Variants in APOO observed in about 807,000 individuals in gnomAD.
The protein encoded by APOO is MICOS complex subunit MIC26.
APOO carries 11 observed loss-of-function variants against 23.1 expected under a neutral mutation model. That is an observed-to-expected ratio of 0.48 (90% CI 0.30 to 0.79). The LOEUF is 0.79. Among genes scored for constraint, APOO ranks in the 30% least tolerant of loss-of-function variants. APOO has a pLI of 0.07. For synonymous variants in APOO, 59 were observed against 54.8 expected (o/e 1.08, Z -0.34); for missense variants, 160 against 142.7 (o/e 1.12, Z -0.62).
In APOO at chrX:23,907,765, G is replaced by A; in HGVS notation, c.-63C>T. 4 of 1,124,512 alleles carry A rather than the reference G, an allele frequency of 3.6e-6. No homozygotes were observed. Among genetic ancestry groups the A allele is most frequent in the Non-Finnish European group, 4.7e-6 (4 of 849,076 alleles). 92.7% of individuals were successfully genotyped at this position (1,124,512 alleles called of 1,213,427 possible). A position where few individuals can be genotyped will look rare whatever the true frequency, so the allele number is the denominator to read the frequency against. ...CCTCGGCCACGCCCACTATAGAGAGGTGACTACGGAGGCCCGGTAGGGCCT... is the reference window on the plus strand; with the variant it reads ...CCTCGGCCACGCCCACTATAGAGAGATGACTACGGAGGCCCGGTAGGGCCT... On this transcript the variant is annotated 5_prime_UTR_variant, in exon 1 of 9. Transcript: ENST00000379226.
At chrX:23,835,063 AT>A (rs1156289632) in intron 8 of APOO, among the ~76,000 whole-genome samples, 173 of 87,297 alleles carry the variant, frequency 2.0e-3, no homozygotes, top group Admixed American at 2.6e-3. Flanking sequence ...GCAATTAGAG[AT>A]TTTTTTTTTT....
chrX:23,881,220 G>A (rs751667737), intron 1 of APOO, among the ~76,000 whole-genome samples: 4 of 109,346 alleles, frequency 3.7e-5, no homozygotes, highest in African/African-American at 1.0e-4. Flanking sequence ...GATTACAGGC[G>A]TCTGCCACCA....
intron 3 of APOO, among the ~76,000 whole-genome samples, chrX:23,874,784 A>G (rs1192990692): frequency 1.8e-5 from 2 of 111,991 alleles, no homozygotes; most frequent in African/African-American, 6.5e-5. Context: ...TTAAGTGGCA[A>G]GCTTTTCTCC....
At chrX:23,846,008 T>C (rs1311407964) in intron 7 of APOO, among the ~76,000 whole-genome samples, 1 of 111,841 alleles carries the variant, frequency 8.9e-6, no homozygotes, top group Non-Finnish European at 1.9e-5. Flanking sequence ...TTTAGCTAAT[T>C]ATAAGACAAC....
chrX:23,863,426 GA>G (rs907561471), intron 5 of APOO, among the ~76,000 whole-genome samples: 8 of 108,135 alleles, frequency 7.4e-5, no homozygotes, highest in Non-Finnish European at 1.3e-4. Context: ...CTTCCAGGAA[GA>G]AAAAAAAAAT....
At position 23,900,786 on chromosome X, in the gene APOO, G is replaced by A. The variant is rs748773920; in HGVS notation, c.9+6908C>T. ...AGAGCTACAGAGCAGTTTTTTCTTC[G>A]TCTCTGTGATCCACTGTCTAACTTC... On this transcript the variant is annotated intron_variant, in intron 1 of 8. Transcript: ENST00000379226. Among the ~76,000 whole-genome samples, 149 of 110,000 alleles carry A rather than the reference G, an allele frequency of 1.4e-3. 2 individuals are homozygous for A. Among genetic ancestry groups the A allele is most frequent in the African/African-American group, 4.8e-3 (144 of 30,227 alleles).
intron 1 of APOO, among the ~76,000 whole-genome samples, chrX:23,892,090 T>G (rs1383000889): frequency 3.9e-5 from 4 of 101,620 alleles, no homozygotes; most frequent in East Asian, 5.8e-4. Context: ...GAAAATAAAT[T>G]TTTTTTTTTT....
chrX:23,868,277 T>C (rs978174521), intron 5 of APOO, among the ~76,000 whole-genome samples: 8 of 112,275 alleles, frequency 7.1e-5, no homozygotes, highest in African/African-American at 9.7e-5. Flanking sequence ...TTGATCTTAA[T>C]AGTGAAACGT....
Position 23,844,502 on chromosome X carries a change from A to G in APOO, c.562-4125T>C, listed in dbSNP as rs921279319. Among the ~76,000 whole-genome samples, 5 of 111,306 alleles carry G rather than the reference A, an allele frequency of 4.5e-5. No homozygotes were observed. The Admixed American group carries it at 4.8e-4, about 11-fold the overall frequency. The stretch of plus-strand genomic sequence containing the variant: ...CAGTCTAAGAGGGAGGCAGAAGAAG[A>G]GGTCAGAAGGGGGATCTGCAAACGA... On this transcript the variant is annotated intron_variant, in intron 7 of 8. Transcript: ENST00000379226.
At chrX:23,836,604 C>A (rs1008502664) in intron 8 of APOO, 135 of 690,846 alleles carry the variant, frequency 2.0e-4, no homozygotes, top group Non-Finnish European at 2.7e-4. Context: ...TGAGCCACCA[C>A]GCCCAGCCCC....
intron 5 of APOO, among the ~76,000 whole-genome samples, chrX:23,861,559 CA>C (rs1344776442): frequency 0.025 from 959 of 39,064 alleles, 20 homozygotes; most frequent in African/African-American, 0.074. Context: ...GATCCTGTCT[CA>C]AAAAAAAAAA....
At chrX:23,847,902 G>A (rs774147992) in intron 7 of APOO, among the ~76,000 whole-genome samples, 12 of 106,867 alleles carry the variant, frequency 1.1e-4, no homozygotes, top group African/African-American at 4.1e-4. Context: ...TTGAGATGGA[G>A]TTTCACTCTT....
At chrX:23,888,306 A>T (rs375986692) in intron 1 of APOO, among the ~76,000 whole-genome samples, 1 of 112,177 alleles carries the variant, frequency 8.9e-6, no homozygotes, top group African/African-American at 3.2e-5. Context: ...TCTCCACTGA[A>T]GCTTGCGAAG....
In APOO at chrX:23,907,814, C is replaced by G. The variant is rs1331660818; in HGVS notation, c.-112G>C. On this transcript the variant is annotated 5_prime_UTR_variant, in exon 1 of 9. Coordinates refer to ENST00000379226, the MANE Select transcript of APOO (RefSeq NM_024122.5). ...CTTGATTTCTCCAACCGCAAGCAGG[C>G]AGCGGTGCGGGTGACGGCCGTACTG... 1 of 923,539 alleles carries G rather than the reference C, an allele frequency of 1.1e-6. No individual in the cohort carries two copies. The highest frequency in any genetic ancestry group is 2.0e-5 in the African/African-American group (1 of 50,404). 76.1% of individuals were successfully genotyped at this position (923,539 alleles called of 1,213,427 possible).
chrX:23,907,018 T>C (rs1384587976), intron 1 of APOO, among the ~76,000 whole-genome samples: 1 of 112,777 alleles, frequency 8.9e-6, no homozygotes, highest in African/African-American at 3.2e-5. Context: ...TGTGATTTTT[T>C]ATGACAAAAT....
chrX:23,884,092 A>T (rs190389945), intron 1 of APOO: 1 of 111,638 alleles, frequency 9.0e-6, no homozygotes, highest in African/African-American at 3.3e-5. Context: ...GAGATGAGTC[A>T]GAGAAGTTGG....
intron 1 of APOO, among the ~76,000 whole-genome samples, chrX:23,903,346 C>T (rs1333423282): frequency 9.5e-6 from 1 of 105,334 alleles, no homozygotes. Context: ...CTCAAGCCTG[C>T]GTGATAGAGC....
chrX:23,851,320 G>A (rs937396137), intron 7 of APOO, among the ~76,000 whole-genome samples: 8 of 110,668 alleles, frequency 7.2e-5, no homozygotes, highest in African/African-American at 2.6e-4. Flanking sequence ...AGCCTCCCGA[G>A]TAGCTGGGAT....
At chrX:23,868,569 T>C in intron 5 of APOO, 24 bp downstream of exon 5, 1 of 1,147,478 alleles carries the variant, frequency 8.7e-7, no homozygotes, top group Non-Finnish European at 1.2e-6. Context: ...GAGCTGACTG[T>C]TAAAGCCATA....
Sources: allele counts gnomAD v4.1 joint callset (sites outside exome capture counted in the v4.1 genomes callset), GRCh38; gene constraint gnomAD v4.1.1; transcripts MANE v1.5; gene names NCBI Gene and HGNC (gene_info 2026-07-23, HGNC 2026-07-21).